Variants in CACHD1 observed in about 807,000 individuals in gnomAD.
The protein encoded by CACHD1 is VWFA and cache domain-containing protein 1.
CACHD1 carries 71 observed loss-of-function variants against 138.7 expected under a neutral mutation model. The observed-to-expected ratio is 0.51, with a 90% confidence interval of 0.42 to 0.62. The LOEUF is 0.62. CACHD1 is among the 20% of genes least tolerant of loss of function. The pLI is 0.00. For synonymous variants in CACHD1, 578 were observed against 591.5 expected (o/e 0.98, Z 0.33); for missense variants, 1,389 against 1,625.3 (o/e 0.85, Z 2.50).
intron 2 of CACHD1, among the ~76,000 whole-genome samples, chr1:64,551,450 G>C (rs1478813640): frequency 6.6e-6 from 1 of 152,174 alleles, no homozygotes; most frequent in African/African-American, 2.4e-5. Flanking sequence ...CTTCATTACA[G>C]TATGTGACCA....
rs184636662 is a variant in CACHD1, at chr1:64,630,574, G to A, written c.644+1093G>A. Among the ~76,000 whole-genome samples, 93 of 152,178 alleles carry A rather than the reference G, an allele frequency of 6.1e-4. 1 individual carries two copies. The highest frequency in any genetic ancestry group is 1.4e-3 in the Admixed American group (22 of 15,278). On this transcript the variant is annotated intron_variant, in intron 5 of 26. Transcript: ENST00000651257. Reference sequence around the variant, plus strand: ...GCTGGGATTACAGGCATGAGCCACCGTGCCCAGTCGTCCTAAGATATTTTT... The same window carrying A: ...GCTGGGATTACAGGCATGAGCCACCATGCCCAGTCGTCCTAAGATATTTTT...
intron 3 of CACHD1, among the ~76,000 whole-genome samples, chr1:64,597,903 A>G (rs749569742): frequency 1.3e-5 from 2 of 152,194 alleles, no homozygotes; most frequent in Non-Finnish European, 2.9e-5. Flanking sequence ...ATGTTTTTAT[A>G]AAGTGTCCTA....
chr1:64,684,363 C>CTTTTTTTTTTTTTTTTTTTTTTGTTTT (rs397980387), intron 26 of CACHD1, among the ~76,000 whole-genome samples: 1 of 54,980 alleles, frequency 1.8e-5, no homozygotes, highest in Non-Finnish European at 3.5e-5. Context: ...TCTTCTTCTT[C>CTTTTTTTTTTTTTTTTTTTTTTGTTTT]TTTTTTTTTT....
intron 4 of CACHD1, among the ~76,000 whole-genome samples, chr1:64,626,463 G>A (rs112136059): frequency 0.064 from 9,732 of 152,300 alleles, 348 homozygotes; most frequent in Middle Eastern, 0.1. Flanking sequence ...GAAAGGAGTT[G>A]AATATATTGT....
chr1:64,633,659 A>G (rs1339042368), intron 6 of CACHD1, among the ~76,000 whole-genome samples: 1 of 152,192 alleles, frequency 6.6e-6, no homozygotes, highest in Non-Finnish European at 1.5e-5. Context: ...GGTTTTGCTC[A>G]CTAACCTAGT....
At chr1:64,567,284 C>T (rs896275475) in intron 2 of CACHD1, among the ~76,000 whole-genome samples, 3 of 151,296 alleles carry the variant, frequency 2.0e-5, no homozygotes, top group African/African-American at 7.3e-5. Flanking sequence ...TCTTGCTAAT[C>T]TCTTGAGGGT....
At chr1:64,631,843 C>A (rs1438588609) in intron 5 of CACHD1, among the ~76,000 whole-genome samples, 1 of 152,050 alleles carries the variant, frequency 6.6e-6, no homozygotes, top group Non-Finnish European at 1.5e-5. Flanking sequence ...ATTTTGATGG[C>A]ACAGTTTTAA....
chr1:64,656,837 A>G (rs1649277988), intron 12 of CACHD1, among the ~76,000 whole-genome samples: 1 of 151,960 alleles, frequency 6.6e-6, no homozygotes, highest in Non-Finnish European at 1.5e-5. Context: ...AAGGGCAAAT[A>G]TTTTTAAGAT....
At chr1:64,556,502 C>T (rs992499972) in intron 2 of CACHD1, among the ~76,000 whole-genome samples, 1 of 152,118 alleles carries the variant, frequency 6.6e-6, no homozygotes, top group Non-Finnish European at 1.5e-5. Context: ...GGTTCTTGCC[C>T]TCCCTCTTTA....
chr1:64,517,668 A>G (rs547968408), intron 1 of CACHD1, among the ~76,000 whole-genome samples: 168 of 152,276 alleles, frequency 1.1e-3, no homozygotes, highest in Middle Eastern at 3.4e-3. Context: ...TGTAAGGGTA[A>G]GGGGAACCTG....
intron 1 of CACHD1, among the ~76,000 whole-genome samples, chr1:64,498,963 G>C (rs1337644298): frequency 6.6e-6 from 1 of 152,230 alleles, no homozygotes; most frequent in Non-Finnish European, 1.5e-5. Flanking sequence ...GCTGTAGCCA[G>C]TCTTCCTAGA....
intron 1 of CACHD1, among the ~76,000 whole-genome samples, chr1:64,544,199 T>G (rs1646700569): frequency 6.6e-6 from 1 of 152,144 alleles, no homozygotes; most frequent in African/African-American, 2.4e-5. Context: ...AGCAAGAGAA[T>G]AAGCTTTTGA....
intron 2 of CACHD1, among the ~76,000 whole-genome samples, chr1:64,552,180 C>A (rs1382016938): frequency 6.6e-6 from 1 of 151,958 alleles, no homozygotes; most frequent in African/African-American, 2.4e-5. Context: ...GCACTGATGT[C>A]ATTTTTTATT....
rs1346390152 is a variant in CACHD1, at chr1:64,470,349, A to G, written c.-396A>G. The stretch of plus-strand genomic sequence containing the variant: ...GCCTGCTCGCTGCGCTGGGACTCGC[A>G]GGAAGCGAGAGCCGCGCGGCTCGGC... On this transcript the variant is annotated 5_prime_UTR_variant, in exon 1 of 27. Transcript: ENST00000651257. The surrounding 1 kb of genome is among the most constrained non-coding windows in gnomAD (Gnocchi z 5.2). Among the ~76,000 whole-genome samples, 3 of 151,594 alleles carry G rather than the reference A, an allele frequency of 2.0e-5. No homozygotes were observed. The highest frequency in any genetic ancestry group is 4.4e-5 in the Non-Finnish European group (3 of 67,880).
chr1:64,558,863 A>G (rs1341102043), intron 2 of CACHD1, among the ~76,000 whole-genome samples: 3 of 152,230 alleles, frequency 2.0e-5, no homozygotes, highest in Non-Finnish European at 4.4e-5. Flanking sequence ...TCAAAAGAAG[A>G]CATACATCTT....
At chr1:64,611,376 T>C (rs1416072020) in intron 4 of CACHD1, among the ~76,000 whole-genome samples, 1 of 152,234 alleles carries the variant, frequency 6.6e-6, no homozygotes, top group African/African-American at 2.4e-5. Context: ...CCAAAATTTA[T>C]GCTCTGCTTC....
In CACHD1 at chr1:64,512,004, C is replaced by T. The variant is rs111373742; in HGVS notation, c.199-38590C>T. Among the ~76,000 whole-genome samples, 797 of 152,254 alleles carry T rather than the reference C, an allele frequency of 5.2e-3. 7 individuals carry two copies. Among genetic ancestry groups the T allele is most frequent in the African/African-American group, 0.018 (763 of 41,542 alleles). On this transcript the variant is annotated intron_variant, in intron 1 of 26. Coordinates refer to ENST00000651257, the MANE Select transcript of CACHD1 (RefSeq NM_020925.4). The stretch of plus-strand genomic sequence containing the variant: ...TAATAAGGTTTTATATATAAAGTTA[C>T]TGATTGTTATTATTTTCCATAACTC...
At chr1:64,673,025 C>T (rs1570471811) in intron 17 of CACHD1, 133 bp from the exon 18 acceptor site, 1 of 795,508 alleles carries the variant, frequency 1.3e-6, no homozygotes. Flanking sequence ...TTCATTTTTC[C>T]AATGAGTATT....
intron 3 of CACHD1, among the ~76,000 whole-genome samples, chr1:64,599,901 G>A (rs1239531914): frequency 6.6e-6 from 1 of 152,088 alleles, no homozygotes; most frequent in Non-Finnish European, 1.5e-5. Context: ...GATAGACAAA[G>A]GCTCTCTCCA....
Sources: allele counts gnomAD v4.1 joint callset (sites outside exome capture counted in the v4.1 genomes callset), GRCh38; gene constraint gnomAD v4.1.1; non-coding constraint Gnocchi (gnomAD v3.1); transcripts MANE v1.5; gene names NCBI Gene and HGNC (gene_info 2026-07-23, HGNC 2026-07-21).